MCF2L: variants seen among roughly 807,000 people sequenced by gnomAD.
MCF2L encodes the protein MCF.2 cell line derived transforming sequence like, also known as guanine nucleotide exchange factor DBS.
In MCF2L, 97 loss-of-function variants were observed where a neutral mutation model predicts 153.4. The ratio of observed to expected loss-of-function variants is 0.63; its 90% CI spans 0.54 to 0.75. The LOEUF (loss-of-function observed/expected upper bound fraction) is 0.75, where lower values mean the gene tolerates loss of function less well. Ranked by LOEUF, MCF2L falls within the 30% of genes least tolerant of loss-of-function variation. The probability of loss-of-function intolerance (pLI) is 0.00; values close to 1 mark genes in which losing one functional copy is unlikely to be tolerated. For missense variants in MCF2L, 1,347 were observed against 1,495.2 expected (o/e 0.90, Z 1.64); for synonymous variants, 659 against 632.2 (o/e 1.04, Z -0.64).
rs2087683614 is a variant in MCF2L at position 113,055,385 on chromosome 13, CACACACACACACACACACA to C, written c.370-5207_370-5189del. ...GAGACGTGGACCCCCCCCCCCGCCA[CACACACACACACACACACA>C]CACACACACACACACACACACACAC... On this transcript the variant is annotated intron_variant, in intron 4 of 29. Coordinates refer to ENST00000535094, the MANE Select transcript of MCF2L (RefSeq NM_001112732.3). 2.2e-4 allele frequency among the ~76,000 whole-genome samples: 2 copies of C among 8,930 alleles called. 1 individual carries two copies. Among genetic ancestry groups the C allele is most frequent in the East Asian group, 5.7e-3 (2 of 352 alleles). The allele number at this position is 8,930 out of a possible 152,430, so 5.9% of individuals were successfully genotyped here. A position where few individuals can be genotyped will look rare whatever the true frequency, so the allele number is the denominator to read the frequency against.
In MCF2L at chr13:113,054,589, T is replaced by C. The variant is rs1044392287; in HGVS notation, c.370-6004T>C. 1.3e-5 allele frequency: 2 copies of C among 152,358 alleles called. No individual in the cohort carries two copies. The highest frequency in any genetic ancestry group is 6.5e-5 in the Admixed American group (1 of 15,274). 9.4% of individuals were successfully genotyped at this position (152,358 alleles called of 1,614,324 possible). On this transcript the variant is annotated intron_variant, in intron 4 of 29. Transcript: ENST00000535094. This position sits in a 1 kb window ranked among gnomAD's most constrained non-coding sequence, Gnocchi z 5.2. The stretch of plus-strand genomic sequence containing the variant: ...TACTGTTTGGCTACTGTCAGACAAA[T>C]GTAGTTGGTGAGGTTTCAGTTGCTC...
chr13:112,989,404 C>T (rs2082804477), intron 1 of MCF2L, among the ~76,000 whole-genome samples: 1 of 133,204 alleles, frequency 7.5e-6, no homozygotes. Context: ...GCTACCACGC[C>T]CGAGTCCTCC....
In MCF2L at chr13:112,904,126, G is replaced by A. The variant is rs867841474; in HGVS notation, c.169+1755G>A. 3.9e-5 allele frequency among the ~76,000 whole-genome samples: 6 copies of A among 152,198 alleles called. No individual in the cohort carries two copies. Among genetic ancestry groups the A allele is most frequent in the South Asian group, 2.1e-4 (1 of 4,812 alleles). ...AGCTCTGGGGACTGAGGAGCTGGCCGCGGTTAGGGTTAGGGTTAGAGGTTA... is the reference window on the plus strand; with the variant it reads ...AGCTCTGGGGACTGAGGAGCTGGCCACGGTTAGGGTTAGGGTTAGAGGTTA... On this transcript the variant is annotated intron_variant, in intron 2 of 29. Transcript: ENST00000375608. This position sits in a 1 kb window ranked among gnomAD's most constrained non-coding sequence, Gnocchi z 4.2.
Position 113,064,838 on chromosome 13 carries a change from G to T in MCF2L, c.607-98G>T, listed in dbSNP as rs1390911149. The T allele has an allele frequency of 3.6e-6, 5 of 1,390,640 alleles. No individual in the cohort carries two copies. In the Admixed American group the frequency reaches 6.1e-5, roughly 17 times the overall value. 86.1% of individuals were successfully genotyped at this position (1,390,640 alleles called of 1,614,324 possible). A position where few individuals can be genotyped will look rare whatever the true frequency, so the allele number is the denominator to read the frequency against. On this transcript the variant is annotated intron_variant, in intron 6 of 29. Transcript: ENST00000535094. The surrounding 1 kb of genome is among the most constrained non-coding windows in gnomAD (Gnocchi z 6.0). Reference sequence around the variant, plus strand: ...TGCGTCAGCCGGTCTCACCTGATGGGTCTGTGTGGGAACGGTTTCCGCCGG... The same window carrying T: ...TGCGTCAGCCGGTCTCACCTGATGGTTCTGTGTGGGAACGGTTTCCGCCGG...
In MCF2L at chr13:113,077,124, A is replaced by C. The variant is rs1328079255; in HGVS notation, c.1573A>C (p.Lys525Gln). 1.9e-6 allele frequency: 3 copies of C among 1,612,776 alleles called. No homozygotes were observed. Among genetic ancestry groups the C allele is most frequent in the Non-Finnish European group, 1.7e-6 (2 of 1,179,830 alleles). The change falls in exon 13 of 30, where the codon AAG becomes CAG. Residue 525 changes from lysine (K) to glutamine (Q), a missense_variant. Physicochemically the swap from Lys to Gln is moderately conservative, Grantham distance 53 (BLOSUM62 1). This residue lies in a region of MCF2L where 820 missense variants were observed against 921.2 expected (regional missense o/e 0.89). Coordinates refer to ENST00000535094, the MANE Select transcript of MCF2L (RefSeq NM_001112732.3). Reference protein sequence around the residue: ...EVFHRRQASLKKLAARQTRPV... With the variant: ...EVFHRRQASLQKLAARQTRPV... ...GTTCCACCGCAGGCAGGCCAGCCTG[A>C]AGAAGCTGGCGGCCAGGCAGACGCG... is the stretch of plus-strand genomic sequence containing the variant.
At chr13:113,086,973 T>C (rs2034692742) in intron 21 of MCF2L, among the ~76,000 whole-genome samples, 1 of 152,072 alleles carries the variant, frequency 6.6e-6, no homozygotes, top group African/African-American at 2.4e-5. Flanking sequence ...GCGTGTAACA[T>C]CCTACACCCA....
intron 3 of MCF2L, among the ~76,000 whole-genome samples, chr13:113,039,787 A>G (rs2086368820): frequency 6.6e-6 from 1 of 152,232 alleles, no homozygotes; most frequent in Non-Finnish European, 1.5e-5. Context: ...CTACTGACAG[A>G]CAGTATCCAG....
intron 3 of MCF2L, among the ~76,000 whole-genome samples, chr13:113,037,870 A>G (rs571746624): frequency 4.6e-5 from 7 of 152,354 alleles, no homozygotes; most frequent in African/African-American, 1.7e-4. Flanking sequence ...TTGAAACAGT[A>G]AGAAACACAG....
chr13:113,056,463 T>TGTGTTTGGGTGCTGA (rs1336134016), intron 4 of MCF2L, among the ~76,000 whole-genome samples: 1 of 123,464 alleles, frequency 8.1e-6, no homozygotes, highest in Non-Finnish European at 1.7e-5. Flanking sequence ...GTGGGTGCTG[T>TGTGTTTGGGTGCTGA]GTGTTTGGGT....
intron 1 of MCF2L, among the ~76,000 whole-genome samples, chr13:113,000,783 T>G (rs1392647835): frequency 6.6e-6 from 1 of 152,186 alleles, no homozygotes; most frequent in East Asian, 1.9e-4. Flanking sequence ...CAGGAGTCAG[T>G]GCACATGTAA....
At position 113,060,670 on chromosome 13, in the gene MCF2L, C is replaced by T. The variant is rs763471280; in HGVS notation, c.447C>T (p.Ile149=). ...TGFFQRTLSD[I]AFKFNRDDFK... ...TTTTCCAAAGGACTCTCTCCGACATCGCTTTCAAATTCAATAGAGATGACT... is the reference window on the plus strand; with the variant it reads ...TTTTCCAAAGGACTCTCTCCGACATTGCTTTCAAATTCAATAGAGATGACT... Residue 149 remains isoleucine (I), a synonymous_variant, in exon 5 of 30, where the codon ATC becomes ATT. Coordinates refer to ENST00000535094, the MANE Select transcript of MCF2L (RefSeq NM_001112732.3). 7 of 1,613,694 alleles carry T rather than the reference C, an allele frequency of 4.3e-6. No homozygotes were observed. Among genetic ancestry groups the T allele is most frequent in the East Asian group, 2.2e-5 (1 of 44,874 alleles).
At chr13:112,970,320 TTC>T (rs1220435500) in intron 1 of MCF2L, among the ~76,000 whole-genome samples, 1 of 152,176 alleles carries the variant, frequency 6.6e-6, no homozygotes, top group Admixed American at 6.5e-5. Context: ...TTGGGTGTGG[TTC>T]TCTTTCTCTG....
exon 2 of MCF2L, chr13:112,902,336 T>C: frequency 6.2e-7 from 1 of 1,612,872 alleles, no homozygotes; most frequent in South Asian, 1.1e-5. Flanking sequence ...ATCAGGCTTG[T>C]TCAAGACACA....
intron 26 of MCF2L, chr13:113,090,506 G>C (rs373231143): frequency 2.4e-5 from 24 of 982,042 alleles, no homozygotes; most frequent in Admixed American, 6.2e-5. Context: ...TGCTGGCTGC[G>C]TGTCTCTGCT....
intron 2 of MCF2L, among the ~76,000 whole-genome samples, chr13:112,963,185 A>G (rs66893681): frequency 0.65 from 99,198 of 151,808 alleles, 32,669 homozygotes; most frequent in Non-Finnish European, 0.71. Flanking sequence ...CACCTCCACC[A>G]CTCTCAGCAG....
chr13:112,925,845 A>G (rs2081396339), intron 2 of MCF2L, among the ~76,000 whole-genome samples: 1 of 152,222 alleles, frequency 6.6e-6, no homozygotes, highest in South Asian at 2.1e-4. Flanking sequence ...ATTACATTAA[A>G]CGTATTTTAA....
rs1390699654 is a variant in MCF2L, at chr13:113,061,553, C to A, written c.489+841C>A. On this transcript the variant is annotated intron_variant, in intron 5 of 29. Transcript: ENST00000535094. ...GCTCACTGTGAAGCTACTCCCTGTGCGCTGGGAATCAGGTGGCACCAGCCC... is the reference window on the plus strand; with the variant it reads ...GCTCACTGTGAAGCTACTCCCTGTGAGCTGGGAATCAGGTGGCACCAGCCC... Among the ~76,000 whole-genome samples, 4 of 152,204 alleles carry A rather than the reference C, an allele frequency of 2.6e-5. No individual in the cohort carries two copies. In the East Asian group the frequency reaches 7.8e-4, roughly 30 times the overall value.
Position 112,993,027 on chromosome 13 carries a change from T to C in MCF2L, c.80-21736T>C, listed in dbSNP as rs2082953674. Among the ~76,000 whole-genome samples, 1 of 152,190 alleles carries C rather than the reference T, an allele frequency of 6.6e-6. No homozygotes were observed. The highest frequency in any genetic ancestry group is 1.5e-5 in the Non-Finnish European group (1 of 68,020). Reference sequence around the variant, plus strand: ...TGCGCGGGCATCAGGCAGGAGTCCATGGGCCATGGGGGTGAGGAGAGAGCG... The same window carrying C: ...TGCGCGGGCATCAGGCAGGAGTCCACGGGCCATGGGGGTGAGGAGAGAGCG... On this transcript the variant is annotated intron_variant, in intron 1 of 29. Coordinates refer to ENST00000535094, the MANE Select transcript of MCF2L (RefSeq NM_001112732.3). This position sits in a 1 kb window ranked among gnomAD's most constrained non-coding sequence, Gnocchi z 4.6.
chr13:112,954,641 A>G (rs1346152062), intron 2 of MCF2L, among the ~76,000 whole-genome samples: 1 of 152,008 alleles, frequency 6.6e-6, no homozygotes, highest in Non-Finnish European at 1.5e-5. Context: ...CCGAGGGGGC[A>G]TGGGTGGGCT....
Sources: gnomAD v4.1 joint callset for allele counts (sites outside exome capture counted in the v4.1 genomes callset) on GRCh38, gnomAD v4.1.1 for gene constraint, gnomAD v4.1.1 regional missense constraint, Gnocchi (gnomAD v3.1) non-coding constraint, MANE v1.5 for transcripts, NCBI Gene and HGNC (gene_info 2026-07-23, HGNC 2026-07-21) for gene names.